The following DAB1 variants were observed in gnomAD, a reference collection of about 807,000 sequenced individuals.
The protein encoded by DAB1 is DAB adaptor protein 1.
A neutral mutation model predicts 64.6 loss-of-function variants in DAB1; 15 were observed. The ratio of observed to expected loss-of-function variants is 0.23; its 90% CI spans 0.16 to 0.36. The LOEUF (loss-of-function observed/expected upper bound fraction) is 0.36, where lower values mean the gene tolerates loss of function less well. DAB1 is among the 10% of genes least tolerant of loss of function. The probability of loss-of-function intolerance (pLI) is 1.00; values close to 1 mark genes in which losing one functional copy is unlikely to be tolerated. For synonymous variants in DAB1, 235 were observed against 251.9 expected (o/e 0.93, Z 0.64); for missense variants, 596 against 706.7 (o/e 0.84, Z 1.78).
chr1:57,883,646 T>C (rs1293071650), intron 1 of DAB1, among the ~76,000 whole-genome samples: 1 of 152,226 alleles, frequency 6.6e-6, no homozygotes, highest in Non-Finnish European at 1.5e-5. Context: ...AGCAGGACTC[T>C]CTATTTCTGT....
At chr1:58,272,668 T>A (rs1451660134) in intron 4 of DAB1, among the ~76,000 whole-genome samples, 1 of 147,976 alleles carries the variant, frequency 6.8e-6, no homozygotes, top group African/African-American at 2.5e-5. Context: ...CTAAGTCTCT[T>A]TGTAGGTCAC....
At chr1:58,464,193 G>A (rs576792073) in intron 3 of DAB1, among the ~76,000 whole-genome samples, 26 of 152,286 alleles carry the variant, frequency 1.7e-4, no homozygotes, top group Non-Finnish European at 2.4e-4. Flanking sequence ...GAGATGTTCC[G>A]TTAAAGGTAT....
intron 5 of DAB1, among the ~76,000 whole-genome samples, chr1:58,015,437 TG>T (rs1646725102): frequency 6.6e-6 from 1 of 152,178 alleles, no homozygotes; most frequent in Non-Finnish European, 1.5e-5. Flanking sequence ...CTTTTCTCCG[TG>T]GCCACAAGCT....
intron 7 of DAB1, among the ~76,000 whole-genome samples, chr1:57,511,415 T>C (rs1231948051): frequency 6.6e-6 from 1 of 152,190 alleles, no homozygotes; most frequent in Non-Finnish European, 1.5e-5. Flanking sequence ...TGAAATGCTC[T>C]TCATCAGCTC....
At chr1:58,501,291 A>C (rs1444869456) in intron 3 of DAB1, among the ~76,000 whole-genome samples, 1 of 152,232 alleles carries the variant, frequency 6.6e-6, no homozygotes, top group Non-Finnish European at 1.5e-5. Context: ...CTTGACTTAA[A>C]GCAAGAAAGG....
At chr1:58,012,530 A>G (rs1277409199) in intron 5 of DAB1, among the ~76,000 whole-genome samples, 4 of 152,208 alleles carry the variant, frequency 2.6e-5, no homozygotes, top group Non-Finnish European at 4.4e-5. Flanking sequence ...AAACACAAAC[A>G]TATGTTTAAA....
chr1:58,247,264 C>A (rs565733564), intron 4 of DAB1, among the ~76,000 whole-genome samples: 1 of 117,910 alleles, frequency 8.5e-6, no homozygotes, highest in African/African-American at 2.9e-5. Flanking sequence ...CATTTCCCCC[C>A]CCGCCAGGTT....
chr1:58,016,713 T>G (rs1303342032), intron 5 of DAB1, among the ~76,000 whole-genome samples: 4 of 152,138 alleles, frequency 2.6e-5, no homozygotes, highest in Non-Finnish European at 5.9e-5. Flanking sequence ...GCCACTATGT[T>G]CTGTCAATCC....
At chr1:57,315,455 G>A (rs988722040) in intron 1 of DAB1, among the ~76,000 whole-genome samples, 2 of 152,142 alleles carry the variant, frequency 1.3e-5, no homozygotes. Flanking sequence ...AGGTGGGTAC[G>A]TGGGTGGGTA....
At chr1:58,167,824 A>G (rs12565597) in intron 4 of DAB1, among the ~76,000 whole-genome samples, 44,641 of 152,026 alleles carry the variant, frequency 0.29, 6,959 homozygotes, top group South Asian at 0.45. Context: ...TGAAGTCAAC[A>G]AGACCATGAA....
intron 4 of DAB1, among the ~76,000 whole-genome samples, chr1:58,230,204 G>A (rs2100348990): frequency 6.6e-6 from 1 of 152,314 alleles, no homozygotes; most frequent in South Asian, 2.1e-4. Flanking sequence ...AGGTTAGGAA[G>A]GAAGTCATCA....
intron 4 of DAB1, among the ~76,000 whole-genome samples, chr1:58,182,749 T>C (rs1656866220): frequency 6.6e-6 from 1 of 152,076 alleles, no homozygotes; most frequent in African/African-American, 2.4e-5. Context: ...AACAGATTTA[T>C]AATAGCTGCT....
chr1:57,573,135 T>G (rs1173980193), intron 7 of DAB1, among the ~76,000 whole-genome samples: 1 of 152,178 alleles, frequency 6.6e-6, no homozygotes, highest in East Asian at 1.9e-4. Flanking sequence ...TCTCCCAGGC[T>G]GGAGTGCAGT....
chr1:58,103,357 A>G (rs752342212), intron 5 of DAB1, among the ~76,000 whole-genome samples: 1 of 152,142 alleles, frequency 6.6e-6, no homozygotes, highest in Non-Finnish European at 1.5e-5. Context: ...CTGGGTGTAA[A>G]CAGTCTAGGT....
chr1:57,915,129 T>TAAAAAAA (rs11321322), intron 5 of DAB1, among the ~76,000 whole-genome samples: 1 of 117,350 alleles, frequency 8.5e-6, no homozygotes, highest in Non-Finnish European at 1.8e-5. Context: ...CTTTAAATCA[T>TAAAAAAA]AAAAAAAAAA....
chr1:58,202,399 G>A (rs1658046162), intron 4 of DAB1, among the ~76,000 whole-genome samples: 2 of 152,200 alleles, frequency 1.3e-5, no homozygotes, highest in Non-Finnish European at 2.9e-5. Flanking sequence ...AAGATAAAGT[G>A]CCAAGGTCAC....
At chr1:57,881,827 G>A (rs1427433591) in intron 1 of DAB1, among the ~76,000 whole-genome samples, 2 of 152,110 alleles carry the variant, frequency 1.3e-5, no homozygotes, top group Admixed American at 6.6e-5. Flanking sequence ...CACCCACTGT[G>A]CTCATCACCA....
intron 5 of DAB1, among the ~76,000 whole-genome samples, chr1:57,910,825 C>T (rs1569973316): frequency 6.6e-6 from 1 of 152,326 alleles, no homozygotes; most frequent in East Asian, 1.9e-4. Flanking sequence ...TGAAGGCCAA[C>T]AGACCAGGGT....
At chr1:58,172,959 T>C (rs1396177366) in intron 4 of DAB1, among the ~76,000 whole-genome samples, 1 of 152,208 alleles carries the variant, frequency 6.6e-6, no homozygotes, top group Non-Finnish European at 1.5e-5. Context: ...CACAAGGAAA[T>C]TATGGAGTTA....
Sources: allele counts gnomAD v4.1 joint callset (sites outside exome capture counted in the v4.1 genomes callset), GRCh38; gene constraint gnomAD v4.1.1; transcripts MANE v1.5; gene names NCBI Gene and HGNC (gene_info 2026-07-23, HGNC 2026-07-21).